Variants in ATP13A4 observed in about 807,000 individuals in gnomAD.
ATP13A4 encodes the protein probable cation-transporting ATPase 13A4.
A neutral mutation model predicts 142.5 loss-of-function variants in ATP13A4; 114 were observed. The observed-to-expected ratio is 0.80, with a 90% confidence interval of 0.69 to 0.93. ATP13A4 has a LOEUF of 0.93. ATP13A4 is among the 40% of genes least tolerant of loss of function. The probability of loss-of-function intolerance (pLI) is 0.00; values close to 1 mark genes in which losing one functional copy is unlikely to be tolerated. For missense variants in ATP13A4, 1,392 were observed against 1,454.0 expected (o/e 0.96, Z 0.69); for synonymous variants, 488 against 514.8 (o/e 0.95, Z 0.70).
Position 193,440,688 on chromosome 3 carries a change from A to G in ATP13A4, c.2440-51T>C, listed in dbSNP as rs1198272878. 4.4e-6 allele frequency: 7 copies of G among 1,574,540 alleles called. No individual in the cohort carries two copies. The Admixed American group carries it at 1.2e-4, about 26-fold the overall frequency. ...TTTTTATCAAGTCATCTGGTTGTAC[A>G]TGAAATAATTACTAACACTCAGAAT... On this transcript the variant is annotated intron_variant, in intron 20 of 29. Coordinates refer to ENST00000342695, the MANE Select transcript of ATP13A4 (RefSeq NM_032279.4).
chr3:193,575,390 T>A (rs1418671771), intron 2 of ATP13A4, among the ~76,000 whole-genome samples: 1 of 152,094 alleles, frequency 6.6e-6, no homozygotes, highest in African/African-American at 2.4e-5. Context: ...GGTGAGACCC[T>A]AGGGGATGAG....
intron 8 of ATP13A4, among the ~76,000 whole-genome samples, chr3:193,474,547 G>A (rs1279128508): frequency 6.9e-5 from 10 of 145,654 alleles, no homozygotes; most frequent in African/African-American, 2.6e-4. Context: ...CAGAGAGAGA[G>A]AGAGAAGAAA....
At chr3:193,538,576 G>T (rs1722711926) in intron 1 of ATP13A4, among the ~76,000 whole-genome samples, 1 of 151,498 alleles carries the variant, frequency 6.6e-6, no homozygotes, top group South Asian at 2.1e-4. Context: ...CTGACAGCCT[G>T]TGCAAATCCT....
chr3:193,551,686 G>A (rs150976839), intron 1 of ATP13A4, among the ~76,000 whole-genome samples: 4,239 of 152,322 alleles, frequency 0.028, 60 homozygotes, highest in East Asian at 0.032. Context: ...TAAAAACTGA[G>A]GCTAGAGCAG....
intron 25 of ATP13A4, among the ~76,000 whole-genome samples, chr3:193,424,743 G>C (rs1394578901): frequency 6.7e-6 from 1 of 149,460 alleles, no homozygotes; most frequent in African/African-American, 2.5e-5. Context: ...TATGAAAAAT[G>C]TTTCATGGTT....
At chr3:193,498,469 G>A (rs896923312) in intron 3 of ATP13A4, among the ~76,000 whole-genome samples, 2 of 152,062 alleles carry the variant, frequency 1.3e-5, no homozygotes, top group Admixed American at 6.6e-5. Context: ...GTGAATTTCC[G>A]TGAACTGATG....
chr3:193,413,555 C>A (rs1326700613), intron 26 of ATP13A4, among the ~76,000 whole-genome samples: 1 of 152,154 alleles, frequency 6.6e-6, no homozygotes, highest in Admixed American at 6.5e-5. Flanking sequence ...CTTTTCCTAG[C>A]AAGGAATATT....
At chr3:193,467,278 T>C (rs1449089637) in intron 10 of ATP13A4, 38 bp downstream of exon 10, 1 of 1,610,414 alleles carries the variant, frequency 6.2e-7, no homozygotes, top group Non-Finnish European at 8.5e-7. Flanking sequence ...TGGGCAAAAG[T>C]ATACCATTAA....
intron 26 of ATP13A4, among the ~76,000 whole-genome samples, chr3:193,413,559 G>T (rs1042245803): frequency 3.9e-5 from 6 of 152,162 alleles, no homozygotes; most frequent in African/African-American, 1.4e-4. Context: ...TCCTAGCAAG[G>T]AATATTAATA....
At chr3:193,554,678 G>A (rs1723798614) in intron 1 of ATP13A4, 62 bp downstream of exon 1, 10 of 1,296,304 alleles carry the variant, frequency 7.7e-6, no homozygotes, top group South Asian at 3.5e-5. Context: ...GTGTGTGTGT[G>A]TGTGTGTGTC....
chr3:193,577,288 C>T (rs1219074874), intron 2 of ATP13A4, among the ~76,000 whole-genome samples: 1 of 152,202 alleles, frequency 6.6e-6, no homozygotes, highest in Non-Finnish European at 1.5e-5. Flanking sequence ...TTCCAGTCGT[C>T]ACTCCCACTA....
intron 2 of ATP13A4, among the ~76,000 whole-genome samples, chr3:193,576,396 C>T (rs1006960535): frequency 6.7e-6 from 1 of 149,412 alleles, no homozygotes; most frequent in African/African-American, 2.5e-5. Context: ...CTCAGCCTCC[C>T]GAGTAGCTGG....
At chr3:193,525,049 T>C (rs1721926225) in intron 1 of ATP13A4, among the ~76,000 whole-genome samples, 1 of 152,354 alleles carries the variant, frequency 6.6e-6, no homozygotes. Flanking sequence ...CAGCTTCAGT[T>C]TGTCTGTTCA....
chr3:193,481,657 G>T (rs577147226), intron 8 of ATP13A4, among the ~76,000 whole-genome samples: 1 of 152,248 alleles, frequency 6.6e-6, no homozygotes, highest in East Asian at 1.9e-4. Flanking sequence ...TCTTGGCAAA[G>T]AAAATCGACA....
chr3:193,585,279 G>T (rs1445024671), intron 1 of ATP13A4, among the ~76,000 whole-genome samples: 1 of 151,934 alleles, frequency 6.6e-6, no homozygotes, highest in Non-Finnish European at 1.5e-5. Context: ...AATTAGCTGG[G>T]TGTGGTGGCA....
intron 1 of ATP13A4, among the ~76,000 whole-genome samples, chr3:193,532,962 A>C (rs1245764182): frequency 6.6e-6 from 1 of 152,220 alleles, no homozygotes; most frequent in Admixed American, 6.5e-5. Flanking sequence ...ATGTAGAAAA[A>C]AAGTGTGTAA....
Position 193,493,164 on chromosome 3 carries a change from C to T in ATP13A4, c.382-4G>A, listed in dbSNP as rs754326957. The T allele has an allele frequency of 4.3e-6, 7 of 1,611,594 alleles. No homozygotes were observed. The highest frequency in any genetic ancestry group is 3.3e-5 in the South Asian group (3 of 90,998). On this transcript the variant is annotated splice_polypyrimidine_tract_variant and splice_region_variant and intron_variant, in intron 3 of 29. Transcript: ENST00000342695. ...TCTGCACTTTGATGCATCTCACCTGCAAAAGAAAAGTACTAAGAAAACCTC... is the reference window on the plus strand; with the variant it reads ...TCTGCACTTTGATGCATCTCACCTGTAAAAGAAAAGTACTAAGAAAACCTC...
In ATP13A4 at chr3:193,399,845, CAAAAAA is replaced by C. The variant is rs71177402; in HGVS notation, c.*2801_*2806del. On this transcript the variant is annotated 3_prime_UTR_variant, in exon 30 of 30. Transcript: ENST00000342695. Reference sequence around the variant, plus strand: ...TGGGCAACAGAGTGAGACTCCATCTCAAAAAAAAAAAAAAAAAAAAAAGGTTCACAT... The same window carrying C: ...TGGGCAACAGAGTGAGACTCCATCTCAAAAAAAAAAAAAAAAGGTTCACAT... Among the ~76,000 whole-genome samples the C allele has an allele frequency of 1.4e-5, 1 of 72,708 alleles. No homozygotes were observed. The highest frequency in any genetic ancestry group is 2.0e-4 in the Admixed American group (1 of 4,950). The allele number at this position is 72,708 out of a possible 152,430, so 47.7% of individuals were successfully genotyped here.
chr3:193,462,769 T>C lies in ATP13A4; in HGVS notation c.1516A>G (p.Arg506Gly). ...LDLWGVVSCD[R>G]NGFQEVHSFA... Reference sequence around the variant, plus strand: ...AGAGTCCAAGGTACTCACCCATTCCTATCACAGGACACGACTCCCCAGAGG... The same window carrying C: ...AGAGTCCAAGGTACTCACCCATTCCCATCACAGGACACGACTCCCCAGAGG... The change falls in exon 13 of 30, where the codon AGG (arginine) becomes GGG (glycine). Residue 506 changes from arginine to glycine, a missense_variant. Transcript: ENST00000342695. 1.2e-6 allele frequency: 2 copies of C among 1,613,806 alleles called. No homozygotes were observed. Among genetic ancestry groups the C allele is most frequent in the Non-Finnish European group, 1.7e-6 (2 of 1,179,700 alleles).
Sources: gnomAD v4.1 joint callset for allele counts (sites outside exome capture counted in the v4.1 genomes callset) on GRCh38, gnomAD v4.1.1 for gene constraint, MANE v1.5 for transcripts, NCBI Gene and HGNC (gene_info 2026-07-23, HGNC 2026-07-21) for gene names.